The following FHIT variants were observed in gnomAD, a reference collection of about 807,000 sequenced individuals.
The protein encoded by FHIT is bis(5'-adenosyl)-triphosphatase.
A neutral mutation model predicts 17.9 loss-of-function variants in FHIT; 19 were observed. The observed-to-expected ratio is 1.06, with a 90% CI of 0.74 to 1.56. The LOEUF (loss-of-function observed/expected upper bound fraction) is 1.56. Ranked by LOEUF, FHIT falls within the 40% of genes most tolerant of loss-of-function variation. FHIT has a pLI of 0.00. For missense variants in FHIT, 248 were observed against 189.2 expected, an observed-to-expected ratio of 1.31 and a Z score of -1.82; for synonymous variants, 81 against 69.7, an observed-to-expected ratio of 1.16 and a Z score of -0.81.
chr3:61,199,447 T>C (rs2038951779), intron 2 of FHIT, among the ~76,000 whole-genome samples: 2 of 152,224 alleles, frequency 1.3e-5, no homozygotes, highest in Non-Finnish European at 2.9e-5. Context: ...AGTAATTTCT[T>C]CACTGATGTT....
intron 3 of FHIT, among the ~76,000 whole-genome samples, chr3:60,958,120 ATTG>A (rs1709256548): frequency 6.6e-6 from 1 of 152,216 alleles, no homozygotes; most frequent in Admixed American, 6.5e-5. Flanking sequence ...TCAATATCAC[ATTG>A]TTGTGGGGCT....
chr3:60,011,193 A>G (rs17061767), intron 7 of FHIT, among the ~76,000 whole-genome samples, 178 bp downstream of exon 7: 8,610 of 152,254 alleles, frequency 0.057, 572 homozygotes, highest in African/African-American at 0.16. Context: ...AACCAATGGG[A>G]AACATATTGT....
chr3:60,636,786 T>A (rs1553684006), intron 4 of FHIT, among the ~76,000 whole-genome samples: 1 of 152,186 alleles, frequency 6.6e-6, no homozygotes, highest in East Asian at 1.9e-4. Context: ...CTTTTAGCTG[T>A]TGGACACGGA....
At chr3:60,560,840 C>CAGAG (rs1183332340) in intron 4 of FHIT, among the ~76,000 whole-genome samples, 77 of 115,576 alleles carry the variant, frequency 6.7e-4, no homozygotes, top group African/African-American at 2.2e-3. Context: ...CACACACACA[C>CAGAG]ACACAGAGAG....
intron 5 of FHIT, among the ~76,000 whole-genome samples, chr3:60,190,192 G>A (rs1057063931): frequency 1.3e-5 from 2 of 152,252 alleles, no homozygotes; most frequent in African/African-American, 4.8e-5. Flanking sequence ...ATTGACTGAT[G>A]ACATCACAGA....
At chr3:61,139,084 C>T (rs1050016289) in intron 2 of FHIT, among the ~76,000 whole-genome samples, 2 of 147,134 alleles carry the variant, frequency 1.4e-5, no homozygotes, top group Non-Finnish European at 3.0e-5. Context: ...GGCTGGAGTG[C>T]AGTGGTGCGA....
intron 4 of FHIT, among the ~76,000 whole-genome samples, chr3:60,726,384 C>A (rs1553709575): frequency 6.6e-6 from 1 of 152,130 alleles, no homozygotes; most frequent in Non-Finnish European, 1.5e-5. Flanking sequence ...TAGATGGCAT[C>A]AATTTTCAAA....
chr3:60,270,234 A>G (rs2107625588), intron 5 of FHIT, among the ~76,000 whole-genome samples: 1 of 152,318 alleles, frequency 6.6e-6, no homozygotes, highest in East Asian at 1.9e-4. Context: ...GCCAAAGCAC[A>G]GACTCCGACC....
chr3:60,710,887 A>C (rs953036233), intron 4 of FHIT, among the ~76,000 whole-genome samples: 17 of 152,344 alleles, frequency 1.1e-4, no homozygotes, highest in African/African-American at 3.8e-4. Context: ...CTGCAGACTT[A>C]AATGTCCCTG....
chr3:59,987,347 AG>A, intron 7 of FHIT, among the ~76,000 whole-genome samples: 1 of 151,932 alleles, frequency 6.6e-6, no homozygotes, highest in East Asian at 1.9e-4. Flanking sequence ...ATTAGAGCCA[AG>A]GATGATCTAT....
chr3:59,793,989 G>T (rs961119541), intron 8 of FHIT, among the ~76,000 whole-genome samples: 2 of 152,012 alleles, frequency 1.3e-5, no homozygotes, highest in Admixed American at 6.5e-5. Context: ...TTTTCCATGG[G>T]ACACGGCGTG....
chr3:60,484,079 T>C (rs974369428), intron 5 of FHIT, among the ~76,000 whole-genome samples: 8 of 152,134 alleles, frequency 5.3e-5, no homozygotes, highest in African/African-American at 9.6e-5. Flanking sequence ...CCATTCACAA[T>C]TGCTACAAAG....
intron 4 of FHIT, among the ~76,000 whole-genome samples, chr3:60,618,918 GA>G (rs1474857421): frequency 6.6e-6 from 1 of 152,068 alleles, no homozygotes; most frequent in African/African-American, 2.4e-5. Flanking sequence ...AAAGAAAACT[GA>G]AAAGCCAATG....
chr3:60,513,322 C>G (rs17063405), intron 5 of FHIT, among the ~76,000 whole-genome samples: 9,094 of 152,234 alleles, frequency 0.06, 574 homozygotes, highest in East Asian at 0.28. Context: ...ATCTTATATA[C>G]ACAGACCACC....
intron 5 of FHIT, among the ~76,000 whole-genome samples, chr3:60,295,737 C>T (rs143212496): frequency 6.6e-6 from 1 of 152,220 alleles, no homozygotes; most frequent in African/African-American, 2.4e-5. Context: ...GTCTATCAAG[C>T]GTGACTGTAT....
In FHIT at chr3:59,747,353, A is replaced by C. The variant is rs906549601; in HGVS notation, c.*2232T>G. Among the ~76,000 whole-genome samples the C allele has an allele frequency of 3.3e-5, 5 of 152,142 alleles. No homozygotes were observed. Among genetic ancestry groups the C allele is most frequent in the African/African-American group, 1.2e-4 (5 of 41,428 alleles). Reference sequence around the variant, plus strand: ...AAAGAGGAGCAAAGCCACATCTTACATGGCAGCAGGCAAGACAGCGTATTC... The same window carrying C: ...AAAGAGGAGCAAAGCCACATCTTACCTGGCAGCAGGCAAGACAGCGTATTC... On this transcript the variant is annotated 3_prime_UTR_variant, in exon 10 of 10. Transcript: ENST00000492590.
At chr3:59,775,691 T>C (rs1702276408) in intron 8 of FHIT, among the ~76,000 whole-genome samples, 1 of 152,214 alleles carries the variant, frequency 6.6e-6, no homozygotes, top group South Asian at 2.1e-4. Context: ...CAGGAAATCT[T>C]AGAATGGTTT....
At chr3:60,158,800 C>T (rs1350604772) in intron 5 of FHIT, among the ~76,000 whole-genome samples, 1 of 152,104 alleles carries the variant, frequency 6.6e-6, no homozygotes, top group Non-Finnish European at 1.5e-5. Flanking sequence ...CACTTTGTGA[C>T]AGCACCCTAT....
At chr3:60,687,279 C>A (rs897660376) in intron 4 of FHIT, among the ~76,000 whole-genome samples, 1 of 152,066 alleles carries the variant, frequency 6.6e-6, no homozygotes, top group Admixed American at 6.6e-5. Flanking sequence ...TTGTTACTCT[C>A]CTTTAATAAT....
Sources: allele counts gnomAD v4.1 joint callset (sites outside exome capture counted in the v4.1 genomes callset), GRCh38; gene constraint gnomAD v4.1.1; transcripts MANE v1.5; gene names NCBI Gene and HGNC (gene_info 2026-07-23, HGNC 2026-07-21).